ZMYM2: variants seen among roughly 807,000 people sequenced by gnomAD.
ZMYM2 encodes the protein zinc finger MYM-type containing 2, also known as zinc finger MYM-type protein 2.
A neutral mutation model predicts 162.8 loss-of-function variants in ZMYM2; 56 were observed. The observed-to-expected ratio is 0.34, with a 90% CI of 0.28 to 0.43. ZMYM2 has a LOEUF of 0.43. Ranked by LOEUF, ZMYM2 falls within the 20% of genes least tolerant of loss-of-function variation. ZMYM2 has a pLI of 1.00. For synonymous variants in ZMYM2, 510 were observed against 541.6 expected (o/e 0.94, Z 0.81); for missense variants, 1,275 against 1,621.8 (o/e 0.79, Z 3.67).
the ZMYM2 span, among the ~76,000 whole-genome samples, chr13:19,870,599 T>C: frequency 6.4e-3 from 841 of 131,562 alleles, 4 homozygotes; most frequent in South Asian, 0.027. Context: ...TTCCTTCCTT[T>C]CTTTCTTTCT....
intron 2 of ZMYM2, among the ~76,000 whole-genome samples, chr13:19,982,331 A>G (rs1042659924): frequency 1.7e-5 from 2 of 114,502 alleles, no homozygotes; most frequent in African/African-American, 6.5e-5. Flanking sequence ...TCTGTCACTT[A>G]GACTGGAGTG....
chr13:19,878,348 T>C, the ZMYM2 span, among the ~76,000 whole-genome samples: 11 of 152,064 alleles, frequency 7.2e-5, no homozygotes, highest in South Asian at 2.1e-4. Flanking sequence ...CCACTACACC[T>C]GGCCGGTAGT....
Position 20,066,906 on chromosome 13 carries a change from A to T in ZMYM2, c.3188A>T (p.Asn1063Ile), listed in dbSNP as rs370436208. Residue 1063 changes from asparagine to isoleucine, a missense_variant, in exon 20 of 25, where the codon AAT becomes ATT. Physicochemically the swap from Asn to Ile is moderately radical, Grantham distance 149. This residue lies in a region of ZMYM2 where 229 missense variants were observed against 283.8 expected (regional missense o/e 0.81). Transcript: ENST00000610343. Reference protein sequence around the residue: ...GYQSHDDSSDNSECSFPFKYT... With the variant: ...GYQSHDDSSDISECSFPFKYT... ...CAGTCTCATGATGATAGTTCTGACA[A>T]TTCAGAATGCAGCTTTCCTTTCAAA... is the stretch of plus-strand genomic sequence containing the variant. 3 of 1,613,344 alleles carry T rather than the reference A, an allele frequency of 1.9e-6. No homozygotes were observed. Among genetic ancestry groups the T allele is most frequent in the Non-Finnish European group, 2.5e-6 (3 of 1,179,560 alleles).
the ZMYM2 span, among the ~76,000 whole-genome samples, chr13:19,919,680 CTT>C: frequency 4.7e-4 from 64 of 137,304 alleles, no homozygotes; most frequent in Non-Finnish European, 5.6e-4. Flanking sequence ...TTTTCTTTTT[CTT>C]TTTTTTTTTT....
At chr13:19,885,809 T>C in the ZMYM2 span, among the ~76,000 whole-genome samples, 3 of 146,726 alleles carry the variant, frequency 2.0e-5, no homozygotes, top group Non-Finnish European at 4.5e-5. Context: ...ATAGCAATAC[T>C]GCACTCCAGC....
At chr13:19,902,349 G>C in the ZMYM2 span, among the ~76,000 whole-genome samples, 1 of 152,216 alleles carries the variant, frequency 6.6e-6, no homozygotes, top group Admixed American at 6.5e-5. Context: ...GGGCGCGGTG[G>C]CTCACGCCTG....
In ZMYM2 at chr13:19,984,069, T is replaced by G. The variant is rs141723414; in HGVS notation, c.-10-8994T>G. ...TTTCTTTGTAATTCTTTAACGATAC[T>G]TAGAAAGCGTTTAGATAGGCTTATA... On this transcript the variant is annotated intron_variant, in intron 2 of 24. Transcript: ENST00000610343. 9.6e-4 allele frequency among the ~76,000 whole-genome samples: 147 copies of G among 152,348 alleles called. 1 individual carries two copies. Among genetic ancestry groups the G allele is most frequent in the African/African-American group, 2.9e-3 (122 of 41,580 alleles).
chr13:19,943,689 A>G, the ZMYM2 span, among the ~76,000 whole-genome samples: 5 of 152,160 alleles, frequency 3.3e-5, no homozygotes, highest in African/African-American at 4.8e-5. Context: ...GTGGATGGGA[A>G]TGGGGCAGAT....
At chr13:20,036,213 C>G (rs1953683293) in intron 11 of ZMYM2, among the ~76,000 whole-genome samples, 1 of 151,592 alleles carries the variant, frequency 6.6e-6, no homozygotes, top group Non-Finnish European at 1.5e-5. Context: ...AAAAGACATA[C>G]TTCGTTAAAG....
chr13:20,056,137 A>G (rs2140673853), intron 14 of ZMYM2, among the ~76,000 whole-genome samples: 1 of 152,284 alleles, frequency 6.6e-6, no homozygotes, highest in Middle Eastern at 3.4e-3. Context: ...ATTGTATACC[A>G]ATGCCAAGGG....
rs750316456 is a variant in ZMYM2 at position 19,993,567 on chromosome 13, A to G, written c.495A>G (p.Val165=). 1 of 1,613,988 alleles carries G rather than the reference A, an allele frequency of 6.2e-7. No individual in the cohort carries two copies. The highest frequency in any genetic ancestry group is 1.3e-5 in the African/African-American group (1 of 74,938). ...CTTCCAGTTTTTCAAGAAGTAAGGT[A>G]AATGCAGGAATGGGTAATAGTGGTA... ...FSTSSFSRSK[V]NAGMGNSGIT... Residue 165 remains valine (V), a synonymous_variant, in exon 3 of 25, where the codon GTA becomes GTG. Coordinates refer to ENST00000610343, the MANE Select transcript of ZMYM2 (RefSeq NM_197968.4).
At chr13:19,898,362 A>G in the ZMYM2 span, among the ~76,000 whole-genome samples, 1 of 151,778 alleles carries the variant, frequency 6.6e-6, no homozygotes, top group African/African-American at 2.4e-5. Flanking sequence ...CCTCCCGAGT[A>G]GCTGGGACTA....
Position 20,067,011 on chromosome 13 carries a change from T to G in ZMYM2, c.3293T>G (p.Leu1098Ter), listed in dbSNP as rs756477730. ...GAAGATCTTCTGGTATTAGATGAGT[T>G]AAAATCTTGTAAGTGTTTTAATTTT... ...LDEDLLVLDE[L>*]KSSKSVKLKE... Residue 1098 changes from leucine (L) to a stop codon, truncating the protein, a stop_gained, in exon 20 of 25, where the codon TTA becomes TGA. Coordinates refer to ENST00000610343, the MANE Select transcript of ZMYM2 (RefSeq NM_197968.4). LOFTEE classifies it high-confidence loss of function. The G allele has an allele frequency of 6.2e-7, 1 of 1,600,390 alleles. No homozygotes were observed. The highest frequency in any genetic ancestry group is 8.5e-7 in the Non-Finnish European group (1 of 1,175,136).
the ZMYM2 span, among the ~76,000 whole-genome samples, chr13:19,920,034 C>G: frequency 2.6e-5 from 4 of 152,148 alleles, no homozygotes; most frequent in African/African-American, 9.7e-5. Context: ...GTCTCGAACT[C>G]CTGGGCTCAA....
At chr13:20,042,589 G>A (rs1290368519) in intron 12 of ZMYM2, among the ~76,000 whole-genome samples, 1 of 152,118 alleles carries the variant, frequency 6.6e-6, no homozygotes, top group African/African-American at 2.4e-5. Flanking sequence ...TGGAGAGGTA[G>A]TACAGTTATT....
chr13:19,972,202 A>AT (rs1202097803), intron 2 of ZMYM2, among the ~76,000 whole-genome samples: 2 of 152,212 alleles, frequency 1.3e-5, no homozygotes, highest in Non-Finnish European at 2.9e-5. Context: ...GAGTACATGA[A>AT]TTAAATGGTT....
chr13:19,968,630 T>A (rs1274000061), intron 2 of ZMYM2, among the ~76,000 whole-genome samples: 2 of 152,212 alleles, frequency 1.3e-5, no homozygotes, highest in African/African-American at 4.8e-5. Flanking sequence ...TTACTATGCT[T>A]TTAACTTTCA....
the ZMYM2 span, among the ~76,000 whole-genome samples, chr13:19,902,111 T>A: frequency 6.6e-6 from 1 of 152,062 alleles, no homozygotes. Flanking sequence ...AACAATAATA[T>A]GCTAAGCGAA....
the ZMYM2 span, among the ~76,000 whole-genome samples, chr13:19,938,695 A>G: frequency 6.6e-6 from 1 of 152,032 alleles, no homozygotes; most frequent in Non-Finnish European, 1.5e-5. Flanking sequence ...CTGAAATGTT[A>G]GGGAAGCAGA....
Sources: allele counts gnomAD v4.1 joint callset (sites outside exome capture counted in the v4.1 genomes callset), GRCh38; gene constraint gnomAD v4.1.1; regional missense constraint gnomAD v4.1.1; transcripts MANE v1.5; gene names NCBI Gene and HGNC (gene_info 2026-07-23, HGNC 2026-07-21).